SUPT3H: variants seen among roughly 807,000 people sequenced by gnomAD.
SUPT3H encodes transcription initiation protein SPT3 homolog.
A neutral mutation model predicts 44.3 loss-of-function variants in SUPT3H; 44 were observed. The observed-to-expected ratio is 0.99, with a 90% CI of 0.78 to 1.28. The LOEUF (loss-of-function observed/expected upper bound fraction) is 1.28. Among genes scored for constraint, SUPT3H ranks in the 50% most tolerant of loss-of-function variants. The probability of loss-of-function intolerance (pLI) is 0.00; values close to 1 mark genes in which losing one functional copy is unlikely to be tolerated. For synonymous variants in SUPT3H, 124 were observed against 125.6 expected, an observed-to-expected ratio of 0.99 and a Z score of 0.09; for missense variants, 380 against 387.1, an observed-to-expected ratio of 0.98 and a Z score of 0.15.
Position 44,932,770 on chromosome 6 carries a change from C to A in SUPT3H, c.802-7G>T, listed in dbSNP as rs1306168182. The A allele has an allele frequency of 1.3e-6, 2 of 1,567,524 alleles. No individual in the cohort carries two copies. The highest frequency in any genetic ancestry group is 2.3e-5 in the East Asian group (1 of 43,840). ...CACCACAGGCTGCAGTGCTCTGCGA[C>A]AGAAAAACACATAAATTGTTACTAA... On this transcript the variant is annotated splice_polypyrimidine_tract_variant and splice_region_variant and intron_variant, in intron 9 of 10. Transcript: ENST00000371459.
At chr6:44,831,739 G>C (rs374707065) in intron 10 of SUPT3H, among the ~76,000 whole-genome samples, 3 of 151,704 alleles carry the variant, frequency 2.0e-5, no homozygotes, top group African/African-American at 7.2e-5. Context: ...TTGGCTTAGA[G>C]GGAGACTGAG....
At chr6:44,885,985 C>A (rs897129924) in intron 10 of SUPT3H, among the ~76,000 whole-genome samples, 2 of 151,984 alleles carry the variant, frequency 1.3e-5, no homozygotes, top group Admixed American at 1.3e-4. Flanking sequence ...GCCTCAGGAG[C>A]CGATTAGATC....
At chr6:45,004,171 A>G (rs1156983345) in intron 5 of SUPT3H, among the ~76,000 whole-genome samples, 1 of 152,132 alleles carries the variant, frequency 6.6e-6, no homozygotes, top group Non-Finnish European at 1.5e-5. Context: ...AGGATATGCT[A>G]GGCAAATACA....
chr6:44,811,979 T>C (rs946978195), intron 11 of SUPT3H, among the ~76,000 whole-genome samples: 1 of 152,146 alleles, frequency 6.6e-6, no homozygotes, highest in African/African-American at 2.4e-5. Context: ...ACAGTGGTTC[T>C]GATTCTGTGA....
rs1451047181 is a variant in SUPT3H at position 44,827,964 on chromosome 6, A to G, written c.*1852T>C. On this transcript the variant is annotated 3_prime_UTR_variant, in exon 11 of 11. Transcript: ENST00000371459. ...CACAGACCTGTCATATTTCTGAGAG[A>G]AATGTACATTGAGTCTTCCTTCTCT... 6.6e-6 allele frequency among the ~76,000 whole-genome samples: 1 copy of G among 152,114 alleles called. No homozygotes were observed. The highest frequency in any genetic ancestry group is 1.5e-5 in the Non-Finnish European group (1 of 67,986).
chr6:44,888,085 T>G (rs1456283286), intron 10 of SUPT3H, among the ~76,000 whole-genome samples: 1 of 152,304 alleles, frequency 6.6e-6, no homozygotes, highest in Middle Eastern at 3.4e-3. Context: ...AATCTCTGAA[T>G]AGACCAATAA....
chr6:45,268,147 C>A (rs940051332), intron 2 of SUPT3H, among the ~76,000 whole-genome samples: 7 of 152,082 alleles, frequency 4.6e-5, no homozygotes, highest in Non-Finnish European at 1.0e-4. Context: ...ACAATTAGTT[C>A]CTTCTTTTAT....
At chr6:45,115,789 G>A (rs1800757378) in intron 2 of SUPT3H, among the ~76,000 whole-genome samples, 1 of 152,070 alleles carries the variant, frequency 6.6e-6, no homozygotes, top group African/African-American at 2.4e-5. Context: ...ATTGAATACT[G>A]GGTCTACATC....
chr6:45,301,891 T>C (rs940210040), intron 2 of SUPT3H, among the ~76,000 whole-genome samples: 1 of 152,300 alleles, frequency 6.6e-6, no homozygotes, highest in African/African-American at 2.4e-5. Context: ...TGTTAAAGTT[T>C]ATGGCAAGTC....
chr6:45,117,619 A>C (rs1801028437), intron 2 of SUPT3H, among the ~76,000 whole-genome samples: 1 of 152,128 alleles, frequency 6.6e-6, no homozygotes, highest in South Asian at 2.1e-4. Flanking sequence ...GGCAATAATT[A>C]ATACCACTAT....
chr6:44,936,806 T>C (rs1484433561), intron 9 of SUPT3H, among the ~76,000 whole-genome samples: 1 of 152,162 alleles, frequency 6.6e-6, no homozygotes. Flanking sequence ...TAGCTGGGAC[T>C]ACAGGCACAC....
intron 10 of SUPT3H, among the ~76,000 whole-genome samples, chr6:44,927,622 T>C (rs562113117): frequency 4.5e-4 from 68 of 152,214 alleles, no homozygotes; most frequent in Non-Finnish European, 8.2e-4. Context: ...AAAAATCGGG[T>C]GGTAAGTATG....
At chr6:45,324,684 G>T (rs1786078677) in intron 2 of SUPT3H, among the ~76,000 whole-genome samples, 1 of 151,644 alleles carries the variant, frequency 6.6e-6, no homozygotes, top group Non-Finnish European at 1.5e-5. Flanking sequence ...TTCTCTTCTG[G>T]CATTCCACAT....
chr6:45,303,515 A>G (rs1782474479), intron 2 of SUPT3H, among the ~76,000 whole-genome samples: 1 of 152,146 alleles, frequency 6.6e-6, no homozygotes, highest in Admixed American at 6.5e-5. Flanking sequence ...CATATGAAAA[A>G]ATGCTTAACA....
intron 2 of SUPT3H, among the ~76,000 whole-genome samples, chr6:45,283,466 A>G (rs919384135): frequency 1.3e-5 from 2 of 152,208 alleles, no homozygotes; most frequent in African/African-American, 2.4e-5. Flanking sequence ...CTTTAAACCA[A>G]CAAAGGTCAA....
chr6:45,093,027 G>A (rs1797343728), intron 3 of SUPT3H, among the ~76,000 whole-genome samples: 1 of 151,946 alleles, frequency 6.6e-6, no homozygotes, highest in Non-Finnish European at 1.5e-5. Flanking sequence ...CTAACACAAT[G>A]TAGTAAAATA....
chr6:45,316,519 T>G (rs1162203814), intron 2 of SUPT3H, among the ~76,000 whole-genome samples: 5 of 152,056 alleles, frequency 3.3e-5, no homozygotes, highest in Non-Finnish European at 7.4e-5. Context: ...AACATAATCT[T>G]TCATGGAGTA....
chr6:45,084,854 T>C (rs886976341), intron 3 of SUPT3H, among the ~76,000 whole-genome samples: 17 of 152,264 alleles, frequency 1.1e-4, no homozygotes, highest in Middle Eastern at 6.8e-3. Flanking sequence ...AGTGAGTTAA[T>C]GCAGGAACAG....
At chr6:44,897,818 T>A (rs1479708529) in intron 10 of SUPT3H, among the ~76,000 whole-genome samples, 1 of 152,208 alleles carries the variant, frequency 6.6e-6, no homozygotes, top group Admixed American at 6.5e-5. Context: ...TGCTCTTCTT[T>A]CTCTGGCTCC....
Sources: allele counts gnomAD v4.1 joint callset (sites outside exome capture counted in the v4.1 genomes callset), GRCh38; gene constraint gnomAD v4.1.1; transcripts MANE v1.5; gene names NCBI Gene and HGNC (gene_info 2026-07-23, HGNC 2026-07-21).